The following DESI1 variants were observed in gnomAD, a reference collection of about 807,000 sequenced individuals.
DESI1 encodes desumoylating isopeptidase 1, also known as PPPDE peptidase domain containing 2.
Under a neutral mutation model 22.4 loss-of-function variants are expected in DESI1, and 17 were observed. The observed-to-expected ratio is 0.76, with a 90% CI of 0.52 to 1.14. DESI1 has a LOEUF of 1.14. Among genes scored for constraint, DESI1 ranks in the 50% most tolerant of loss-of-function variants. DESI1 has a pLI of 0.00. For missense variants in DESI1, 177 were observed against 208.9 expected, an observed-to-expected ratio of 0.85 and a Z score of 0.94; for synonymous variants, 92 against 84.2, an observed-to-expected ratio of 1.09 and a Z score of -0.51.
At position 41,603,259 on chromosome 22, in the gene DESI1, G is replaced by A. The variant is rs1014100279; in HGVS notation, c.413C>T (p.Thr138Met). 9 of 1,614,174 alleles carry A rather than the reference G, an allele frequency of 5.6e-6. No homozygotes were observed. The highest frequency in any genetic ancestry group is 6.8e-6 in the Non-Finnish European group (8 of 1,180,022). ...ITDLPSEVLS[T>M]PFGQALRPLL... The stretch of plus-strand genomic sequence containing the variant: ...GGGCAGGGACAGAGGCCACACTTAC[G>A]TGGAGAGAACTTCAGAGGGCAGGTC... Residue 138 changes from threonine to methionine, a missense_variant and splice_region_variant, in exon 5 of 6, where the codon ACG (threonine) becomes ATG (methionine). Physicochemically the swap from Thr to Met is moderately conservative, Grantham distance 81. Transcript: ENST00000263256.
chr22:41,602,674 G>A (rs910223531), intron 5 of DESI1: 41 of 987,496 alleles, frequency 4.2e-5, no homozygotes, highest in Non-Finnish European at 4.7e-5. Flanking sequence ...GTGTCCTTTC[G>A]GGGTATACTG....
At chr22:41,607,765 A>G in intron 2 of DESI1, 75 bp downstream of exon 2, 1 of 1,555,330 alleles carries the variant, frequency 6.4e-7, no homozygotes. Flanking sequence ...TGGAAGCCAC[A>G]GACTAGAACC....
At chr22:41,612,705 C>T (rs2067525344) in intron 1 of DESI1, among the ~76,000 whole-genome samples, 1 of 151,508 alleles carries the variant, frequency 6.6e-6, no homozygotes, top group South Asian at 2.1e-4. Flanking sequence ...AAGTGATCCT[C>T]CCACTTCAGC....
intron 3 of DESI1, among the ~76,000 whole-genome samples, chr22:41,604,687 G>T (rs1783753950): frequency 6.6e-6 from 1 of 151,652 alleles, no homozygotes; most frequent in Non-Finnish European, 1.5e-5. Flanking sequence ...GAATGGTCTT[G>T]GGCCACACAC....
At chr22:41,615,234 C>G (rs1411169066) in intron 1 of DESI1, among the ~76,000 whole-genome samples, 1 of 146,630 alleles carries the variant, frequency 6.8e-6, no homozygotes, top group Non-Finnish European at 1.5e-5. Context: ...TCGAGACCAT[C>G]CCGGCTAACA....
At position 41,621,011 on chromosome 22, in the gene DESI1, T is replaced by G; in HGVS notation, c.-172A>C. The G allele has an allele frequency of 1.5e-6, 1 of 650,092 alleles. No individual in the cohort carries two copies. The highest frequency in any genetic ancestry group is 2.6e-6 in the Non-Finnish European group (1 of 384,408). The allele number at this position is 650,092 out of a possible 1,614,324, so 40.3% of individuals were successfully genotyped here. ...GCGCTGCTCGCGCCCCCACACCCGC[T>G]ACCGGCAACGACTACTGTGAGGTGA... On this transcript the variant is annotated 5_prime_UTR_variant, in exon 1 of 6. Transcript: ENST00000263256.
chr22:41,618,364 A>AG (rs1337466855), intron 1 of DESI1, among the ~76,000 whole-genome samples: 5 of 151,540 alleles, frequency 3.3e-5, no homozygotes, highest in Non-Finnish European at 5.9e-5. Flanking sequence ...CTCGTCTAAA[A>AG]AAAAAAAAAA....
At chr22:41,620,003 C>A (rs1430011186) in intron 1 of DESI1, among the ~76,000 whole-genome samples, 1 of 152,160 alleles carries the variant, frequency 6.6e-6, no homozygotes, top group African/African-American at 2.4e-5. Flanking sequence ...TTTTCTCCTG[C>A]CAGTTAAGTA....
At chr22:41,615,926 T>C (rs113067417) in intron 1 of DESI1, among the ~76,000 whole-genome samples, 1,841 of 152,342 alleles carry the variant, frequency 0.012, 43 homozygotes, top group African/African-American at 0.042. Context: ...AGGAAAATAA[T>C]ATTTTAAGAA....
At chr22:41,618,347 A>C (rs1030695802) in intron 1 of DESI1, among the ~76,000 whole-genome samples, 1 of 135,134 alleles carries the variant, frequency 7.4e-6, no homozygotes, top group African/African-American at 3.0e-5. Flanking sequence ...TGGGCAACAG[A>C]GCAAGACTCG....
At chr22:41,614,590 C>CCTTTTTTTTTTTT in intron 1 of DESI1, among the ~76,000 whole-genome samples, 1 of 85,748 alleles carries the variant, frequency 1.2e-5, no homozygotes, top group Non-Finnish European at 2.2e-5. Context: ...GGCCTACATC[C>CCTTTTTTTTTTTT]TTTTTTTTTT....
intron 1 of DESI1, among the ~76,000 whole-genome samples, chr22:41,611,846 C>T (rs538027427): frequency 1.2e-4 from 18 of 152,228 alleles, no homozygotes; most frequent in African/African-American, 3.9e-4. Flanking sequence ...CCGCCTCGGC[C>T]TCCCAAAGTG....
At chr22:41,602,135 T>A (rs2067452928) in intron 5 of DESI1, 4 of 880,732 alleles carry the variant, frequency 4.5e-6, no homozygotes, top group Non-Finnish European at 5.4e-6. Context: ...GCCCAGAAAC[T>A]TTTAAGTCAC....
chr22:41,619,328 A>G (rs1015405302), intron 1 of DESI1, among the ~76,000 whole-genome samples: 4 of 152,126 alleles, frequency 2.6e-5, no homozygotes, highest in Non-Finnish European at 4.4e-5. Context: ...ATATAATTAA[A>G]ATTTTCTCAT....
At chr22:41,616,683 C>G (rs189787295) in intron 1 of DESI1, among the ~76,000 whole-genome samples, 2 of 152,150 alleles carry the variant, frequency 1.3e-5, no homozygotes, top group African/African-American at 4.8e-5. Flanking sequence ...CAATTGGTGA[C>G]TATGAAAAAA....
In DESI1 at chr22:41,600,478, T is replaced by G. The variant is rs1042092946; in HGVS notation, c.*619A>C. 6.6e-6 allele frequency: 1 copy of G among 152,464 alleles called. No individual in the cohort carries two copies. Among genetic ancestry groups the G allele is most frequent in the Non-Finnish European group, 1.5e-5 (1 of 68,288 alleles). The allele number at this position is 152,464 out of a possible 1,614,324, so 9.4% of individuals were successfully genotyped here. A position where few individuals can be genotyped will look rare whatever the true frequency, so the allele number is the denominator to read the frequency against. ...TGGAAGGAGGAATGGCTTTATCCTGTTTTCTCCGGCCTGATACTTGCTGTT... is the reference window on the plus strand; with the variant it reads ...TGGAAGGAGGAATGGCTTTATCCTGGTTTCTCCGGCCTGATACTTGCTGTT... On this transcript the variant is annotated 3_prime_UTR_variant, in exon 6 of 6. Transcript: ENST00000263256.
rs774377582 is a variant in DESI1, at chr22:41,601,190, C to T, written c.414G>A (p.Thr138=). 1.1e-5 allele frequency: 17 copies of T among 1,606,792 alleles called. 1 individual carries two copies. Among genetic ancestry groups the T allele is most frequent in the Middle Eastern group, 1.8e-4 (1 of 5,480 alleles). ...GGGGCCGAAGTGCCTGTCCAAAGGG[C>T]CTGCAAGGAAACAGAGACATGAGAG... ...ITDLPSEVLS[T]PFGQALRPLL... Residue 138 remains threonine, a splice_region_variant and synonymous_variant, in exon 6 of 6, where the codon ACG becomes ACA. Transcript: ENST00000263256.
At chr22:41,603,946 T>G in intron 4 of DESI1, 98 bp downstream of exon 4, 1 of 1,089,574 alleles carries the variant, frequency 9.2e-7, no homozygotes, top group Non-Finnish European at 1.3e-6. Context: ...GGCCTTGTGC[T>G]GAGTGATAAG....
chr22:41,607,333 T>A lies in DESI1; in HGVS notation c.111-2A>T. ...TTGTGCACAACTATGGATGTGTGCC[T>A]GTCACACAGAGAGAGACACAGTAAG... On this transcript the variant is annotated splice_acceptor_variant, in intron 2 of 5. Transcript: ENST00000263256. LOFTEE classifies it high-confidence loss of function. 6.2e-7 allele frequency: 1 copy of A among 1,609,914 alleles called. No homozygotes were observed. Among genetic ancestry groups the A allele is most frequent in the Non-Finnish European group, 8.5e-7 (1 of 1,178,254 alleles).
Sources: allele counts gnomAD v4.1 joint callset (sites outside exome capture counted in the v4.1 genomes callset), GRCh38; gene constraint gnomAD v4.1.1; transcripts MANE v1.5; gene names NCBI Gene and HGNC (gene_info 2026-07-23, HGNC 2026-07-21).